The following NTRK3 variants were observed in gnomAD, a reference collection of about 807,000 sequenced individuals.
NTRK3 encodes neurotrophic receptor tyrosine kinase 3, also known as NT-3 growth factor receptor.
Under a neutral mutation model 91.7 loss-of-function variants are expected in NTRK3, and 24 were observed. The ratio of observed to expected loss-of-function variants is 0.26; its 90% CI spans 0.19 to 0.37. The LOEUF is 0.37. Among genes scored for constraint, NTRK3 ranks in the 10% least tolerant of loss-of-function variants. The pLI is 1.00. For missense variants in NTRK3, 880 were observed against 1,068.9 expected (o/e 0.82, Z 2.46); for synonymous variants, 483 against 404.0 (o/e 1.20, Z -2.34).
At chr15:88,220,921 A>G (rs1380613136) in intron 3 of NTRK3, among the ~76,000 whole-genome samples, 1 of 152,196 alleles carries the variant, frequency 6.6e-6, no homozygotes, top group African/African-American at 2.4e-5. Context: ...TCCAGGGGAT[A>G]CGTCTCAAAA....
chr15:88,118,095 T>C (rs928268380), intron 13 of NTRK3, among the ~76,000 whole-genome samples: 1 of 152,236 alleles, frequency 6.6e-6, no homozygotes, highest in African/African-American at 2.4e-5. Flanking sequence ...GTTTTCAGCA[T>C]GTGGTTTTTC....
At chr15:87,979,233 G>C in intron 14 of NTRK3, 1 of 858,622 alleles carries the variant, frequency 1.2e-6, no homozygotes. Flanking sequence ...GGCTCATGCA[G>C]TTTCTACTTA....
chr15:87,905,396 T>C (rs2066706238), intron 17 of NTRK3, among the ~76,000 whole-genome samples: 1 of 152,194 alleles, frequency 6.6e-6, no homozygotes, highest in Non-Finnish European at 1.5e-5. Flanking sequence ...GGTGATTTGC[T>C]TGAAACATAA....
intron 3 of NTRK3, among the ~76,000 whole-genome samples, chr15:88,224,658 C>T (rs2050525922): frequency 6.6e-6 from 1 of 152,246 alleles, no homozygotes; most frequent in African/African-American, 2.4e-5. Context: ...ATTATTCTCA[C>T]CCATGCTGTT....
At chr15:88,222,745 G>A (rs185045054) in intron 3 of NTRK3, among the ~76,000 whole-genome samples, 1 of 152,280 alleles carries the variant, frequency 6.6e-6, no homozygotes, top group African/African-American at 2.4e-5. Flanking sequence ...CATAATCTGT[G>A]ACCAGAGTGC....
chr15:88,231,807 T>A (rs1180037969), intron 3 of NTRK3, among the ~76,000 whole-genome samples: 1 of 152,224 alleles, frequency 6.6e-6, no homozygotes, highest in African/African-American at 2.4e-5. Flanking sequence ...ACTGTAAGAT[T>A]GAAAGGAAAT....
At chr15:88,008,514 A>T (rs1362405544) in intron 14 of NTRK3, among the ~76,000 whole-genome samples, 4 of 152,082 alleles carry the variant, frequency 2.6e-5, no homozygotes, top group Non-Finnish European at 1.5e-5. Context: ...CCTAGGACAC[A>T]GTGGTTTCTA....
intron 17 of NTRK3, among the ~76,000 whole-genome samples, chr15:87,897,960 A>C (rs1440301469): frequency 6.6e-6 from 1 of 152,224 alleles, no homozygotes. Context: ...GGAAGACTTG[A>C]CTTCCTTGTG....
At chr15:87,996,849 T>G (rs2075742575) in intron 14 of NTRK3, among the ~76,000 whole-genome samples, 1 of 152,174 alleles carries the variant, frequency 6.6e-6, no homozygotes, top group Non-Finnish European at 1.5e-5. Flanking sequence ...GAGGTTAATG[T>G]TAGGTCAATT....
intron 14 of NTRK3, chr15:87,981,331 T>A (rs752683517): frequency 1.2e-6 from 2 of 1,609,984 alleles, no homozygotes; most frequent in Admixed American, 1.7e-5. Context: ...AAGTTTAATA[T>A]CCCATGATTG....
intron 17 of NTRK3, among the ~76,000 whole-genome samples, chr15:87,890,917 G>C (rs977187553): frequency 6.6e-6 from 1 of 152,004 alleles, no homozygotes; most frequent in Admixed American, 6.6e-5. Flanking sequence ...CTAGGTCTTT[G>C]TTATAAAAAT....
intron 3 of NTRK3, among the ~76,000 whole-genome samples, chr15:88,232,478 G>A (rs2051295838): frequency 6.6e-6 from 1 of 152,200 alleles, no homozygotes. Flanking sequence ...GACAGCCCTG[G>A]ATTAGACTGG....
At chr15:88,151,713 A>G (rs1348725517) in intron 5 of NTRK3, among the ~76,000 whole-genome samples, 1 of 152,216 alleles carries the variant, frequency 6.6e-6, no homozygotes, top group East Asian at 1.9e-4. Context: ...GGTCCTGAAG[A>G]TGGAAGGATT....
intron 5 of NTRK3, among the ~76,000 whole-genome samples, chr15:88,181,059 T>C (rs1424817230): frequency 6.6e-6 from 1 of 152,108 alleles, no homozygotes; most frequent in Admixed American, 6.5e-5. Context: ...TTTCTTGAAC[T>C]AGGTTGAGCA....
intron 3 of NTRK3, among the ~76,000 whole-genome samples, chr15:88,247,766 A>G (rs1435056210): frequency 1.3e-5 from 2 of 152,108 alleles, no homozygotes; most frequent in African/African-American, 4.8e-5. Flanking sequence ...TTCACAGAAG[A>G]AAGTTGTATC....
rs892811422 is a variant in NTRK3 at position 88,235,128 on chromosome 15, C to T, written c.248+20778G>A. Among the ~76,000 whole-genome samples, 1 of 152,218 alleles carries T rather than the reference C, an allele frequency of 6.6e-6. No homozygotes were observed. Among genetic ancestry groups the T allele is most frequent in the African/African-American group, 2.4e-5 (1 of 41,454 alleles). ...TCATAACAGAGCACTCTGTTGAGTA[C>T]CTTCACGGAACTTCTTACTCCTGAT... On this transcript the variant is annotated intron_variant, in intron 3 of 18. Transcript: ENST00000394480. This position sits in a 1 kb window ranked among gnomAD's most constrained non-coding sequence, Gnocchi z 5.2.
At chr15:88,147,625 C>T (rs901064296) in intron 5 of NTRK3, among the ~76,000 whole-genome samples, 1 of 151,746 alleles carries the variant, frequency 6.6e-6, no homozygotes, top group South Asian at 2.1e-4. Context: ...GCTTTTGAGG[C>T]CTTTTAAAGG....
intron 5 of NTRK3, among the ~76,000 whole-genome samples, chr15:88,171,365 A>T (rs1026989748): frequency 1.3e-5 from 2 of 152,174 alleles, no homozygotes; most frequent in Admixed American, 1.3e-4. Context: ...AGGCTGCCAT[A>T]GAAGACATGG....
chr15:87,910,619 G>C (rs1452792655), intron 17 of NTRK3, among the ~76,000 whole-genome samples: 1 of 152,134 alleles, frequency 6.6e-6, no homozygotes, highest in Non-Finnish European at 1.5e-5. Context: ...AAGTAAAAAG[G>C]GGTTATAACC....
Sources: allele counts gnomAD v4.1 joint callset (sites outside exome capture counted in the v4.1 genomes callset), GRCh38; gene constraint gnomAD v4.1.1; non-coding constraint Gnocchi (gnomAD v3.1); transcripts MANE v1.5; gene names NCBI Gene and HGNC (gene_info 2026-07-23, HGNC 2026-07-21).